MARCHF1: variants seen among roughly 807,000 people sequenced by gnomAD.
The protein encoded by MARCHF1 is membrane associated ring-CH-type finger 1.
In MARCHF1, 40 loss-of-function variants were observed where a neutral mutation model predicts 54.2. The observed-to-expected ratio is 0.74, with a 90% CI of 0.57 to 0.96. The LOEUF (loss-of-function observed/expected upper bound fraction) is 0.96. Ranked by LOEUF, MARCHF1 falls within the 40% of genes least tolerant of loss-of-function variation. The probability of loss-of-function intolerance (pLI) is 0.00; values close to 1 mark genes in which losing one functional copy is unlikely to be tolerated. For missense variants in MARCHF1, 586 were observed against 656.5 expected (o/e 0.89, Z 1.17); for synonymous variants, 236 against 236.3 (o/e 1.00, Z 0.01).
chr4:163,761,679 G>T (rs1358534749), intron 4 of MARCHF1, among the ~76,000 whole-genome samples: 1 of 152,170 alleles, frequency 6.6e-6, no homozygotes, highest in Non-Finnish European at 1.5e-5. Context: ...AACCCACAGT[G>T]AAGGGAATTC....
intron 2 of MARCHF1, among the ~76,000 whole-genome samples, chr4:164,012,740 G>T (rs1560861400): frequency 6.6e-6 from 1 of 152,118 alleles, no homozygotes; most frequent in Non-Finnish European, 1.5e-5. Context: ...ACTTTGCCTG[G>T]TGACCCAGGG....
intron 2 of MARCHF1, among the ~76,000 whole-genome samples, chr4:164,088,973 A>G (rs1755246675): frequency 6.6e-6 from 1 of 152,192 alleles, no homozygotes; most frequent in South Asian, 2.1e-4. Context: ...AGTGAATGTC[A>G]AAGACAAAGT....
chr4:164,247,218 C>A (rs1282131759), intron 1 of MARCHF1, among the ~76,000 whole-genome samples: 1 of 90,988 alleles, frequency 1.1e-5, no homozygotes, highest in Non-Finnish European at 2.2e-5. Flanking sequence ...AAATGTCCAA[C>A]AATGATAGAC....
chr4:164,350,737 A>C (rs1005312898), intron 1 of MARCHF1, among the ~76,000 whole-genome samples: 2 of 152,230 alleles, frequency 1.3e-5, no homozygotes, highest in African/African-American at 4.8e-5. Flanking sequence ...AAGCCAGTTC[A>C]ATAGTATTGT....
chr4:164,368,107 G>A (rs1730930384), intron 1 of MARCHF1, among the ~76,000 whole-genome samples: 1 of 144,640 alleles, frequency 6.9e-6, no homozygotes, highest in Non-Finnish European at 1.5e-5. Context: ...ATCACTGAAT[G>A]AACTAGAAAA....
chr4:163,722,637 C>T (rs1414276160), intron 4 of MARCHF1, among the ~76,000 whole-genome samples: 1 of 152,152 alleles, frequency 6.6e-6, no homozygotes, highest in Non-Finnish European at 1.5e-5. Context: ...GTGTTAAAGT[C>T]TCCCATTATT....
chr4:164,058,934 A>G (rs1486091103), intron 2 of MARCHF1, among the ~76,000 whole-genome samples: 1 of 152,220 alleles, frequency 6.6e-6, no homozygotes, highest in Non-Finnish European at 1.5e-5. Flanking sequence ...CAGGTGTTCC[A>G]TCTATGCAGA....
intron 1 of MARCHF1, among the ~76,000 whole-genome samples, chr4:164,149,811 C>G (rs1729883420): frequency 6.6e-6 from 1 of 152,146 alleles, no homozygotes; most frequent in Non-Finnish European, 1.5e-5. Context: ...TGTGGATTAA[C>G]TTGTGAATGT....
At chr4:163,657,592 C>T (rs985737333) in intron 5 of MARCHF1, among the ~76,000 whole-genome samples, 1 of 151,930 alleles carries the variant, frequency 6.6e-6, no homozygotes, top group African/African-American at 2.4e-5. Context: ...AAAAGGAGCT[C>T]ATATAGCCAA....
At chr4:163,565,365 A>G (rs1739611665) in intron 8 of MARCHF1, among the ~76,000 whole-genome samples, 1 of 152,216 alleles carries the variant, frequency 6.6e-6, no homozygotes, top group African/African-American at 2.4e-5. Flanking sequence ...GATGATTGTG[A>G]CAAGGTTTGC....
chr4:163,955,358 CAA>C (rs1560834768), intron 3 of MARCHF1, among the ~76,000 whole-genome samples: 59 of 120,442 alleles, frequency 4.9e-4, no homozygotes, highest in African/African-American at 1.6e-3. Context: ...AAAAAAAAAA[CAA>C]AAACAAAGCA....
intron 2 of MARCHF1, among the ~76,000 whole-genome samples, chr4:164,050,777 A>G (rs1754347650): frequency 6.6e-6 from 1 of 152,180 alleles, no homozygotes; most frequent in Non-Finnish European, 1.5e-5. Context: ...TACTAAAAAT[A>G]CAAAAATTAG....
chr4:164,215,636 A>C (rs78937491), intron 1 of MARCHF1, among the ~76,000 whole-genome samples: 2,737 of 152,260 alleles, frequency 0.018, 103 homozygotes, highest in East Asian at 0.12. Context: ...CCGTATCAAA[A>C]TCACGTCATT....
At chr4:164,011,928 T>A (rs1166706690) in intron 2 of MARCHF1, among the ~76,000 whole-genome samples, 2 of 152,034 alleles carry the variant, frequency 1.3e-5, no homozygotes, top group African/African-American at 4.8e-5. Context: ...AAAGTGAGTG[T>A]GGAGCACTAT....
intron 2 of MARCHF1, among the ~76,000 whole-genome samples, chr4:164,080,188 T>C (rs1412720052): frequency 2.0e-5 from 3 of 152,168 alleles, no homozygotes; most frequent in Non-Finnish European, 2.9e-5. Flanking sequence ...TCACATAGAA[T>C]AGAACAGATT....
chr4:163,977,894 T>C (rs1458002310), intron 3 of MARCHF1, among the ~76,000 whole-genome samples: 3 of 152,308 alleles, frequency 2.0e-5, no homozygotes, highest in African/African-American at 7.2e-5. Flanking sequence ...GGCTGTTCTT[T>C]ATAAAACCTA....
At chr4:164,018,556 T>C (rs1221218015) in intron 2 of MARCHF1, among the ~76,000 whole-genome samples, 4 of 152,084 alleles carry the variant, frequency 2.6e-5, no homozygotes, top group African/African-American at 7.2e-5. Flanking sequence ...AGATATATAT[T>C]TGATAAATAA....
chr4:163,724,707 GTGGGCGCCCCTCCCTCAGCCTCGC>G (rs1162472424), intron 4 of MARCHF1, among the ~76,000 whole-genome samples: 3 of 152,190 alleles, frequency 2.0e-5, no homozygotes, highest in Admixed American at 6.5e-5. Context: ...CTCAGCCATG[GTGGGCGCCCCTCCCTCAGCCTCGC>G]TGCCACCTTG....
At chr4:163,562,529 T>C (rs997187719) in intron 8 of MARCHF1, among the ~76,000 whole-genome samples, 3 of 152,092 alleles carry the variant, frequency 2.0e-5, no homozygotes, top group African/African-American at 4.8e-5. Flanking sequence ...TTGCTCCTCT[T>C]CTCTACTTGC....
Sources: allele counts gnomAD v4.1 joint callset (sites outside exome capture counted in the v4.1 genomes callset), GRCh38; gene constraint gnomAD v4.1.1; transcripts MANE v1.5; gene names NCBI Gene and HGNC (gene_info 2026-07-23, HGNC 2026-07-21).